Variants in SH3PXD2A observed in about 807,000 individuals in gnomAD.
SH3PXD2A encodes the protein SH3 and PX domains 2A.
A neutral mutation model predicts 115.2 loss-of-function variants in SH3PXD2A; 32 were observed. The observed-to-expected ratio is 0.28, with a 90% CI of 0.21 to 0.37. SH3PXD2A has a LOEUF of 0.37. SH3PXD2A is among the 10% of genes least tolerant of loss of function. The pLI is 1.00. For missense variants in SH3PXD2A, 1,328 were observed against 1,498.7 expected (o/e 0.89, Z 1.88); for synonymous variants, 610 against 629.1 (o/e 0.97, Z 0.45).
intron 13 of SH3PXD2A, among the ~76,000 whole-genome samples, chr10:103,606,289 A>G (rs1373077048): frequency 1.3e-5 from 2 of 150,818 alleles, no homozygotes; most frequent in African/African-American, 4.9e-5. Context: ...AGCTCACTGC[A>G]GCCTCCATCT....
intron 7 of SH3PXD2A, among the ~76,000 whole-genome samples, chr10:103,662,760 C>T (rs1035734605): frequency 1.1e-4 from 16 of 152,142 alleles, no homozygotes; most frequent in African/African-American, 3.1e-4. Context: ...CTAGTCACCT[C>T]CTACAGGAAG....
At chr10:103,836,642 C>A (rs2039543895) in intron 1 of SH3PXD2A, among the ~76,000 whole-genome samples, 1 of 149,826 alleles carries the variant, frequency 6.7e-6, no homozygotes, top group South Asian at 2.1e-4. Context: ...CAACATTCCC[C>A]AACACACGAG....
chr10:103,649,400 A>C (rs1384559008), intron 8 of SH3PXD2A, among the ~76,000 whole-genome samples: 7 of 152,206 alleles, frequency 4.6e-5, no homozygotes, highest in Non-Finnish European at 1.5e-5. Context: ...TCTTACGCAA[A>C]GCCTGGCCTT....
chr10:103,743,839 A>G (rs538588770), intron 3 of SH3PXD2A, among the ~76,000 whole-genome samples: 7 of 152,378 alleles, frequency 4.6e-5, no homozygotes, highest in African/African-American at 9.6e-5. Context: ...AGATATATCA[A>G]CTTTTTCCTG....
chr10:103,812,782 CA>C (rs2039283506), intron 1 of SH3PXD2A, among the ~76,000 whole-genome samples: 1 of 152,196 alleles, frequency 6.6e-6, no homozygotes, highest in Non-Finnish European at 1.5e-5. Context: ...CAGCAAAGCT[CA>C]ACTTTTGACA....
intron 7 of SH3PXD2A, among the ~76,000 whole-genome samples, chr10:103,664,786 C>T (rs1448319829): frequency 6.6e-6 from 1 of 152,016 alleles, no homozygotes; most frequent in Non-Finnish European, 1.5e-5. Flanking sequence ...CCAGCCTCAG[C>T]CTCCCGAGTA....
intron 1 of SH3PXD2A, among the ~76,000 whole-genome samples, chr10:103,825,376 A>C (rs2039420560): frequency 6.6e-6 from 1 of 152,186 alleles, no homozygotes; most frequent in Non-Finnish European, 1.5e-5. Flanking sequence ...CAGGCGTTGC[A>C]GGGAGGAGGG....
intron 7 of SH3PXD2A, among the ~76,000 whole-genome samples, chr10:103,667,345 G>T (rs2037396735): frequency 6.6e-6 from 1 of 152,158 alleles, no homozygotes; most frequent in South Asian, 2.1e-4. Flanking sequence ...TCCTACAAAA[G>T]TCCCTCTAGC....
chr10:103,716,917 T>C (rs1047808858), intron 5 of SH3PXD2A, among the ~76,000 whole-genome samples: 13 of 152,206 alleles, frequency 8.5e-5, no homozygotes, highest in Non-Finnish European at 1.5e-5. Context: ...GATGTGGGCC[T>C]GCTGCTGCTG....
chr10:103,597,050 G>C lies in SH3PXD2A; in HGVS notation c.*4766C>G, dbSNP rs946120233. On this transcript the variant is annotated 3_prime_UTR_variant, in exon 15 of 15. Coordinates refer to ENST00000369774, the MANE Select transcript of SH3PXD2A (RefSeq NM_001394015.1). The stretch of plus-strand genomic sequence containing the variant: ...GAAGGAGGCCAGATTGGTACCTGTT[G>C]TGGGAAGTTTTGTCTGCAGAGAAAC... The C allele has an allele frequency of 2.0e-5, 3 of 152,626 alleles. No homozygotes were observed. The allele number at this position is 152,626 out of a possible 1,614,324, so 9.5% of individuals were successfully genotyped here.
intron 3 of SH3PXD2A, among the ~76,000 whole-genome samples, chr10:103,765,555 C>T (rs2038745522): frequency 6.6e-6 from 1 of 152,222 alleles, no homozygotes; most frequent in Admixed American, 6.5e-5. Flanking sequence ...TAAACAGCTG[C>T]TGATGGAATA....
intron 1 of SH3PXD2A, among the ~76,000 whole-genome samples, chr10:103,854,202 A>C (rs1032350768): frequency 5.9e-5 from 9 of 152,244 alleles, no homozygotes; most frequent in Admixed American, 5.2e-4. Flanking sequence ...AATCCAGGGC[A>C]GCAACCAGCG....
chr10:103,747,367 T>C (rs1246493902), intron 3 of SH3PXD2A, among the ~76,000 whole-genome samples: 3 of 152,120 alleles, frequency 2.0e-5, no homozygotes, highest in East Asian at 3.9e-4. Flanking sequence ...GCAGTGGCTC[T>C]GTACCCTCCC....
At chr10:103,753,818 A>G (rs901010704) in intron 3 of SH3PXD2A, 1 of 152,220 alleles carries the variant, frequency 6.6e-6, no homozygotes, top group African/African-American at 2.4e-5. Context: ...TTCCTTAGAA[A>G]GCTGTTTGCA....
chr10:103,838,760 G>T (rs999239829), intron 1 of SH3PXD2A, among the ~76,000 whole-genome samples: 1 of 152,162 alleles, frequency 6.6e-6, no homozygotes, highest in Non-Finnish European at 1.5e-5. Context: ...TGCCCACGGC[G>T]GCATCTGGCA....
At chr10:103,676,255 C>T (rs534685358) in intron 6 of SH3PXD2A, among the ~76,000 whole-genome samples, 2 of 152,214 alleles carry the variant, frequency 1.3e-5, no homozygotes, top group Non-Finnish European at 2.9e-5. Flanking sequence ...GCCTCATTCC[C>T]TGGAATCCAG....
chr10:103,644,007 G>C (rs1393556793), intron 8 of SH3PXD2A, among the ~76,000 whole-genome samples: 1 of 150,930 alleles, frequency 6.6e-6, no homozygotes, highest in Non-Finnish European at 1.5e-5. Context: ...CCCAGCTACT[G>C]GGGAGGCTGA....
At chr10:103,767,950 G>T (rs2038777462) in intron 2 of SH3PXD2A, among the ~76,000 whole-genome samples, 1 of 152,098 alleles carries the variant, frequency 6.6e-6, no homozygotes, top group African/African-American at 2.4e-5. Context: ...GGCAGGAGGG[G>T]AGTCATGATC....
chr10:103,840,914 A>G (rs1242116157), intron 1 of SH3PXD2A, among the ~76,000 whole-genome samples: 1 of 152,216 alleles, frequency 6.6e-6, no homozygotes, highest in Non-Finnish European at 1.5e-5. Flanking sequence ...TACACACAGC[A>G]TTTAGGCTCC....
Sources: gnomAD v4.1 joint callset for allele counts (sites outside exome capture counted in the v4.1 genomes callset) on GRCh38, gnomAD v4.1.1 for gene constraint, MANE v1.5 for transcripts, NCBI Gene and HGNC (gene_info 2026-07-23, HGNC 2026-07-21) for gene names.